The following USP32 variants were observed in gnomAD, a reference collection of about 807,000 sequenced individuals.
The protein encoded by USP32 is ubiquitin specific peptidase 32.
A neutral mutation model predicts 204.8 loss-of-function variants in USP32; 59 were observed. The observed-to-expected ratio is 0.29, with a 90% CI of 0.23 to 0.36. The LOEUF (loss-of-function observed/expected upper bound fraction) is 0.36. Among genes scored for constraint, USP32 ranks in the 10% least tolerant of loss-of-function variants. The pLI is 1.00. For synonymous variants in USP32, 517 were observed against 678.4 expected, an observed-to-expected ratio of 0.76 and a Z score of 3.70; for missense variants, 1,160 against 1,946.4, an observed-to-expected ratio of 0.60 and a Z score of 7.60.
intron 2 of USP32, among the ~76,000 whole-genome samples, chr17:60,333,933 T>C (rs2088451130): frequency 6.6e-6 from 1 of 152,172 alleles, no homozygotes; most frequent in Non-Finnish European, 1.5e-5. Context: ...TCTCTGCTTC[T>C]TGGGAACACT....
chr17:60,301,401 T>A (rs2087570497), intron 3 of USP32, 198 bp downstream of exon 3: 1 of 418,080 alleles, frequency 2.4e-6, no homozygotes, highest in African/African-American at 2.1e-5. Context: ...CTAGTAGGTG[T>A]GAAGTAGTAT....
At chr17:60,358,208 C>T (rs561653992) in intron 1 of USP32, among the ~76,000 whole-genome samples, 1 of 152,256 alleles carries the variant, frequency 6.6e-6, no homozygotes, top group South Asian at 2.1e-4. Flanking sequence ...TAAGCCACCA[C>T]CCTATGAACC....
At chr17:60,210,322 T>C (rs79708659) in intron 21 of USP32, among the ~76,000 whole-genome samples, 1 of 152,022 alleles carries the variant, frequency 6.6e-6, no homozygotes, top group Non-Finnish European at 1.5e-5. Flanking sequence ...TTTTTTTTTT[T>C]CTTTTTGGAG....
chr17:60,335,662 G>A lies in USP32; in HGVS notation c.186+9819C>T, dbSNP rs1331093109. Reference sequence around the variant, plus strand: ...GTAAACTGCCAGGGCAAGAGAGTACGTTCATTGGTCAGCCCAGTTACAAGT... The same window carrying A: ...GTAAACTGCCAGGGCAAGAGAGTACATTCATTGGTCAGCCCAGTTACAAGT... On this transcript the variant is annotated intron_variant, in intron 2 of 33. Coordinates refer to ENST00000300896, the MANE Select transcript of USP32 (RefSeq NM_032582.4). 7.0e-5 allele frequency among the ~76,000 whole-genome samples: 10 copies of A among 143,332 alleles called. 2 individuals carry two copies. The highest frequency in any genetic ancestry group is 3.4e-4 in the Admixed American group (5 of 14,762). The allele number at this position is 143,332 out of a possible 152,430, so 94.0% of individuals were successfully genotyped here.
At chr17:60,318,292 A>G (rs1160378454) in intron 2 of USP32, among the ~76,000 whole-genome samples, 1 of 152,248 alleles carries the variant, frequency 6.6e-6, no homozygotes, top group African/African-American at 2.4e-5. Flanking sequence ...TTTAGCCAAC[A>G]AAGTGATGAC....
chr17:60,421,408 G>A, intron 1 of USP32: 3 of 985,674 alleles, frequency 3.0e-6, no homozygotes, highest in Non-Finnish European at 3.6e-6. Context: ...TGCCCGAGGT[G>A]GCCGCTGGGT....
At chr17:60,238,408 C>T (rs2085789496) in intron 11 of USP32, among the ~76,000 whole-genome samples, 1 of 152,054 alleles carries the variant, frequency 6.6e-6, no homozygotes, top group African/African-American at 2.4e-5. Context: ...TGGCTCACAC[C>T]TGTAATCTCA....
intron 1 of USP32, among the ~76,000 whole-genome samples, chr17:60,365,056 G>A (rs143226926): frequency 1.6e-3 from 246 of 152,184 alleles, no homozygotes; most frequent in African/African-American, 5.5e-3. Flanking sequence ...TTTTAGTTAA[G>A]AAATCATGTT....
Position 60,290,823 on chromosome 17 carries a change from C to T in USP32, c.412-2141G>A, listed in dbSNP as rs144688578. ...GGAGGGGAGAGGGCTTAAAGTTGAG[C>T]TGATTACCAATGGTCAATGATTTAA... On this transcript the variant is annotated intron_variant, in intron 4 of 33. Coordinates refer to ENST00000300896, the MANE Select transcript of USP32 (RefSeq NM_032582.4). 8.2e-3 allele frequency among the ~76,000 whole-genome samples: 1,240 copies of T among 151,922 alleles called. 14 individuals are homozygous for T. Among genetic ancestry groups the T allele is most frequent in the African/African-American group, 0.028 (1,145 of 41,438 alleles).
At chr17:60,300,576 C>T (rs981858897) in intron 3 of USP32, among the ~76,000 whole-genome samples, 2 of 152,052 alleles carry the variant, frequency 1.3e-5, no homozygotes, top group Non-Finnish European at 2.9e-5. Flanking sequence ...AAACCTTTTA[C>T]AAATAACGTA....
Position 60,308,812 on chromosome 17 carries a change from C to T in USP32, c.187-7108G>A, listed in dbSNP as rs371406100. ...GCGTGGTGGCGCATGCCTGTAATCC[C>T]AGCTACTCAGGAGGCTGAGACAGGA... On this transcript the variant is annotated intron_variant, in intron 2 of 33. Transcript: ENST00000300896. 4.6e-5 allele frequency among the ~76,000 whole-genome samples: 7 copies of T among 152,118 alleles called. No individual in the cohort carries two copies. In the East Asian group the frequency reaches 9.6e-4, roughly 21 times the overall value.
intron 2 of USP32, among the ~76,000 whole-genome samples, chr17:60,332,707 A>G (rs895123449): frequency 2.6e-5 from 4 of 152,194 alleles, no homozygotes; most frequent in African/African-American, 7.2e-5. Context: ...TCCTGCACCA[A>G]TATCGGCACC....
chr17:60,294,615 C>G, intron 4 of USP32, 68 bp downstream of exon 4: 1 of 1,010,426 alleles, frequency 9.9e-7, no homozygotes, highest in Non-Finnish European at 1.5e-6. Flanking sequence ...ATACTTAAAA[C>G]TTATTACACA....
chr17:60,210,093 T>C (rs1013613123), intron 21 of USP32, among the ~76,000 whole-genome samples: 2 of 152,072 alleles, frequency 1.3e-5, no homozygotes, highest in African/African-American at 4.8e-5. Context: ...CTGCATTATA[T>C]TATAGAATTA....
chr17:60,316,343 T>A (rs1166751051), intron 2 of USP32: 1 of 154,950 alleles, frequency 6.5e-6, no homozygotes, highest in Non-Finnish European at 1.4e-5. Flanking sequence ...CCTAAGTAAA[T>A]GACTGCAAGT....
chr17:60,384,500 C>T (rs1020912622), intron 1 of USP32, among the ~76,000 whole-genome samples: 3 of 152,098 alleles, frequency 2.0e-5, no homozygotes, highest in African/African-American at 7.2e-5. Flanking sequence ...TAGTGATGAG[C>T]GCCGCCCTAG....
At chr17:60,376,644 C>T (rs1000391857) in intron 1 of USP32, among the ~76,000 whole-genome samples, 3 of 151,972 alleles carry the variant, frequency 2.0e-5, no homozygotes, top group African/African-American at 4.8e-5. Context: ...CTGCCTTAGC[C>T]TCCCAAGTAG....
chr17:60,222,561 T>C lies in USP32; in HGVS notation c.1609-12A>G. The stretch of plus-strand genomic sequence containing the variant: ...GTTAATGATGTAGCCTGAGAAAGAA[T>C]AGAATGACAATGTTGACTTTCAATA... On this transcript the variant is annotated splice_polypyrimidine_tract_variant and intron_variant, in intron 14 of 33. Coordinates refer to ENST00000300896, the MANE Select transcript of USP32 (RefSeq NM_032582.4). The C allele has an allele frequency of 6.2e-7, 1 of 1,611,064 alleles. No homozygotes were observed. The highest frequency in any genetic ancestry group is 8.5e-7 in the Non-Finnish European group (1 of 1,178,224).
At chr17:60,267,233 C>T (rs111556971) in intron 7 of USP32, among the ~76,000 whole-genome samples, 3,270 of 151,964 alleles carry the variant, frequency 0.022, 138 homozygotes, top group African/African-American at 0.075. Context: ...TGGTGAAATC[C>T]CGTCGCTACT....
Sources: gnomAD v4.1 joint callset for allele counts (sites outside exome capture counted in the v4.1 genomes callset) on GRCh38, gnomAD v4.1.1 for gene constraint, MANE v1.5 for transcripts, NCBI Gene and HGNC (gene_info 2026-07-23, HGNC 2026-07-21) for gene names.